The following COL4A5 variants were observed in gnomAD, a reference collection of about 807,000 sequenced individuals.
COL4A5 encodes collagen alpha-5(IV) chain.
COL4A5 carries 26 observed loss-of-function variants against 130.2 expected under a neutral mutation model. The ratio of observed to expected loss-of-function variants is 0.20; its 90% CI spans 0.15 to 0.28. COL4A5 has a LOEUF of 0.28. COL4A5 is among the 10% of genes least tolerant of loss of function. The pLI is 1.00. For missense variants in COL4A5, 1,131 were observed against 1,344.3 expected, an observed-to-expected ratio of 0.84 and a Z score of 2.48; for synonymous variants, 496 against 439.6, an observed-to-expected ratio of 1.13 and a Z score of -1.60.
intron 1 of COL4A5, among the ~76,000 whole-genome samples, chrX:108,515,532 C>T (rs1320391741): frequency 9.0e-6 from 1 of 111,209 alleles, no homozygotes; most frequent in Admixed American, 9.5e-5. Flanking sequence ...CTCACCCATG[C>T]TTCCACTGAT....
intron 36 of COL4A5, chrX:108,627,408 G>GT: frequency 2.7e-6 from 2 of 735,596 alleles, no homozygotes; most frequent in African/African-American, 2.3e-5. Flanking sequence ...AGAGTTTGGG[G>GT]TTTTTTCTAC....
chrX:108,482,795 T>G (rs1405871924), intron 1 of COL4A5, among the ~76,000 whole-genome samples: 7 of 111,845 alleles, frequency 6.3e-5, no homozygotes, highest in Non-Finnish European at 5.6e-5. Flanking sequence ...TATCTCCTTC[T>G]GAAGCCAGGA....
chrX:108,563,808 T>C lies in COL4A5; in HGVS notation c.232-74T>C, dbSNP rs1443977340. On this transcript the variant is annotated intron_variant, in intron 3 of 52. Transcript: ENST00000328300. Reference sequence around the variant, plus strand: ...GATGTTTACAGTAGTTTAAATCTCCTATTTTATAATTGAAAATGAGTTATT... The same window carrying C: ...GATGTTTACAGTAGTTTAAATCTCCCATTTTATAATTGAAAATGAGTTATT... 4 of 872,228 alleles carry C rather than the reference T, an allele frequency of 4.6e-6. No individual in the cohort carries two copies. The African/African-American group carries it at 8.0e-5, about 17-fold the overall frequency. 71.9% of individuals were successfully genotyped at this position (872,228 alleles called of 1,213,427 possible).
chrX:108,586,580 G>T, intron 18 of COL4A5, 35 bp from the exon 19 acceptor site: 1 of 1,169,414 alleles, frequency 8.6e-7, no homozygotes, highest in Non-Finnish European at 1.2e-6. Flanking sequence ...TTTCTTCTTT[G>T]CATTTCTTTA....
intron 28 of COL4A5, among the ~76,000 whole-genome samples, chrX:108,605,046 A>G (rs769966374): frequency 1.8e-4 from 20 of 112,170 alleles, no homozygotes; most frequent in Non-Finnish European, 3.2e-4. Flanking sequence ...AACTTTCTCC[A>G]TATCAGCAAT....
intron 1 of COL4A5, among the ~76,000 whole-genome samples, chrX:108,471,662 T>G (rs994512037): frequency 5.4e-5 from 6 of 111,722 alleles, no homozygotes; most frequent in African/African-American, 2.0e-4. Context: ...TGCCTAGGAC[T>G]TCAGTACTAT....
chrX:108,661,569 G>A (rs1339300682), intron 37 of COL4A5, among the ~76,000 whole-genome samples: 1 of 111,565 alleles, frequency 9.0e-6, no homozygotes, highest in Non-Finnish European at 1.9e-5. Context: ...AGATAACCAT[G>A]TGTCTATTTC....
At chrX:108,516,260 T>C (rs764982514) in intron 1 of COL4A5, among the ~76,000 whole-genome samples, 24 of 112,329 alleles carry the variant, frequency 2.1e-4, no homozygotes, top group Non-Finnish European at 4.5e-4. Flanking sequence ...TTAGACTTAC[T>C]GAGTCTTAAA....
intron 20 of COL4A5, 64 bp from the exon 21 acceptor site, chrX:108,591,497 T>C: frequency 1.0e-6 from 1 of 957,056 alleles, no homozygotes; most frequent in Non-Finnish European, 1.5e-6. Flanking sequence ...TTGTCAGGCT[T>C]TCTTTTGTTT....
rs1257926468 is a variant in COL4A5 at position 108,584,346 on chromosome X, T to C, written c.991-138T>C. On this transcript the variant is annotated intron_variant, in intron 17 of 52. Transcript: ENST00000328300. ...TAGGCTTAGCTCAGAATTGTTTCAT[T>C]ACTTCATGTTGCATTTCTCATTTGA... 7 of 532,703 alleles carry C rather than the reference T, an allele frequency of 1.3e-5. No individual in the cohort carries two copies. The African/African-American group carries it at 1.7e-4, about 13-fold the overall frequency. The allele number at this position is 532,703 out of a possible 1,213,427, so 43.9% of individuals were successfully genotyped here.
chrX:108,665,154 T>C (rs2068050789), intron 37 of COL4A5, among the ~76,000 whole-genome samples: 1 of 111,993 alleles, frequency 8.9e-6, no homozygotes, highest in South Asian at 3.7e-4. Context: ...TTTTTATAAA[T>C]AGGAAAGTGG....
intron 38 of COL4A5, 29 bp from the exon 39 acceptor site, chrX:108,666,467 G>A: frequency 8.9e-7 from 1 of 1,121,202 alleles, no homozygotes; most frequent in South Asian, 1.9e-5. Flanking sequence ...TGGAAAACTG[G>A]GTGTAACCTG....
chrX:108,606,345 T>C (rs983665273), intron 28 of COL4A5, among the ~76,000 whole-genome samples: 1 of 111,924 alleles, frequency 8.9e-6, no homozygotes, highest in African/African-American at 3.2e-5. Flanking sequence ...GCATCAGCAC[T>C]CATCTCTAAA....
At chrX:108,687,234 G>A (rs1219561906) in intron 48 of COL4A5, among the ~76,000 whole-genome samples, 1 of 112,133 alleles carries the variant, frequency 8.9e-6, no homozygotes, top group Non-Finnish European at 1.9e-5. Flanking sequence ...GAACAAAACA[G>A]CAGGCTGAAA....
At chrX:108,494,693 C>A (rs1320852151) in intron 1 of COL4A5, among the ~76,000 whole-genome samples, 1 of 110,728 alleles carries the variant, frequency 9.0e-6, no homozygotes, top group East Asian at 2.8e-4. Context: ...GAGTCACTCA[C>A]AAGTTCTTAA....
In COL4A5 at chrX:108,440,062, A is replaced by G; in HGVS notation, c.-64A>G. ...CCATATAAACCCTCAAGATTATGTCAATTGGTTAGAGCCAGCCGGGAATTT... is the reference window on the plus strand; with the variant it reads ...CCATATAAACCCTCAAGATTATGTCGATTGGTTAGAGCCAGCCGGGAATTT... On this transcript the variant is annotated 5_prime_UTR_variant, in exon 1 of 53. Transcript: ENST00000328300. The G allele has an allele frequency of 1.1e-6, 1 of 883,574 alleles. No individual in the cohort carries two copies. 72.8% of individuals were successfully genotyped at this position (883,574 alleles called of 1,213,427 possible).
intron 47 of COL4A5, among the ~76,000 whole-genome samples, chrX:108,682,741 G>A (rs2068458988): frequency 9.0e-6 from 1 of 111,082 alleles, no homozygotes; most frequent in African/African-American, 3.3e-5. Flanking sequence ...ATGGGATTGT[G>A]GTTGTTTTTT....
intron 13 of COL4A5, among the ~76,000 whole-genome samples, 199 bp from the exon 14 acceptor site, chrX:108,580,334 T>C (rs760491740): frequency 8.9e-6 from 1 of 111,808 alleles, no homozygotes; most frequent in Non-Finnish European, 1.9e-5. Flanking sequence ...CAGTTATAAG[T>C]GAGAACATGT....
chrX:108,625,478 T>TA (rs763336146), intron 34 of COL4A5, among the ~76,000 whole-genome samples: 24 of 112,128 alleles, frequency 2.1e-4, no homozygotes, highest in African/African-American at 6.8e-4. Flanking sequence ...GGTAACTTTT[T>TA]AATTTTTTTT....
Sources: allele counts gnomAD v4.1 joint callset (sites outside exome capture counted in the v4.1 genomes callset), GRCh38; gene constraint gnomAD v4.1.1; transcripts MANE v1.5; gene names NCBI Gene and HGNC (gene_info 2026-07-23, HGNC 2026-07-21).